Variants in HEMK2 observed in about 807,000 individuals in gnomAD.
HEMK2 encodes the protein methyltransferase HEMK2.
the HEMK2 span, among the ~76,000 whole-genome samples, chr21:28,631,673 G>T: frequency 5.9e-5 from 9 of 151,812 alleles, no homozygotes. Context: ...TCAAGTACAG[G>T]CTTTTTCTCA....
At chr21:28,626,272 T>C in the HEMK2 span, among the ~76,000 whole-genome samples, 1 of 152,342 alleles carries the variant, frequency 6.6e-6, no homozygotes, top group African/African-American at 2.4e-5. Flanking sequence ...ATAGTAAGTG[T>C]AAGTGTTAAC....
At chr21:28,606,143 T>C in the HEMK2 span, among the ~76,000 whole-genome samples, 1 of 152,154 alleles carries the variant, frequency 6.6e-6, no homozygotes, top group Non-Finnish European at 1.5e-5. Flanking sequence ...TTTTGAGTTG[T>C]AACAGTATAG....
the HEMK2 span, among the ~76,000 whole-genome samples, chr21:28,864,913 T>TATAGATAAGATAGATAGATAGATAG: frequency 8.4e-4 from 121 of 144,202 alleles, no homozygotes; most frequent in Non-Finnish European, 1.4e-3. Flanking sequence ...AGATAGATGA[T>TATAGATAAGATAGATAGATAGATAG]ATAGATAGAT....
chr21:28,679,219 A>C, the HEMK2 span, among the ~76,000 whole-genome samples: 2 of 152,220 alleles, frequency 1.3e-5, no homozygotes, highest in Non-Finnish European at 2.9e-5. Context: ...GCAAATGGAA[A>C]ACAAAAAAAG....
the HEMK2 span, among the ~76,000 whole-genome samples, chr21:28,714,040 T>G: frequency 6.6e-6 from 1 of 152,226 alleles, no homozygotes; most frequent in African/African-American, 2.4e-5. Context: ...CACCTTGTAC[T>G]GTACGCCAGA....
At chr21:28,879,823 C>T in the HEMK2 span, 40 of 1,392,068 alleles carry the variant, frequency 2.9e-5, no homozygotes, top group Non-Finnish European at 3.7e-5. Context: ...ATTTTACAAA[C>T]AAAATAATTG....
At chr21:28,692,087 G>A in the HEMK2 span, among the ~76,000 whole-genome samples, 4 of 152,134 alleles carry the variant, frequency 2.6e-5, no homozygotes, top group Non-Finnish European at 5.9e-5. Context: ...GCAGTTTAAA[G>A]GCCAAAATTA....
At chr21:28,864,737 A>T in the HEMK2 span, among the ~76,000 whole-genome samples, 1 of 151,960 alleles carries the variant, frequency 6.6e-6, no homozygotes, top group African/African-American at 2.4e-5. Context: ...ATTCCTGGGA[A>T]TGGCACTATT....
At chr21:28,835,253 C>T in the HEMK2 span, among the ~76,000 whole-genome samples, 2 of 152,108 alleles carry the variant, frequency 1.3e-5, no homozygotes, top group Non-Finnish European at 2.9e-5. Context: ...ACCCCACGCC[C>T]CCTCCACCAG....
the HEMK2 span, among the ~76,000 whole-genome samples, chr21:28,667,786 G>A: frequency 6.6e-6 from 1 of 152,186 alleles, no homozygotes; most frequent in African/African-American, 2.4e-5. Context: ...CCTCCTAGCT[G>A]TGGGATCTGA....
the HEMK2 span, among the ~76,000 whole-genome samples, chr21:28,843,286 G>A: frequency 8.5e-5 from 13 of 152,064 alleles, no homozygotes; most frequent in East Asian, 2.3e-3. Context: ...TGGCTGAGGA[G>A]GCCTGAGGAA....
At chr21:28,704,532 T>C in the HEMK2 span, among the ~76,000 whole-genome samples, 1 of 148,232 alleles carries the variant, frequency 6.7e-6, no homozygotes, top group Non-Finnish European at 1.5e-5. Context: ...TACCATGATA[T>C]TCAGCATGTT....
chr21:28,807,984 A>G, the HEMK2 span, among the ~76,000 whole-genome samples: 3,947 of 152,214 alleles, frequency 0.026, 178 homozygotes, highest in African/African-American at 0.09. Flanking sequence ...CTGGGATGCT[A>G]AGAAAAGTTT....
At chr21:28,779,868 G>A in the HEMK2 span, among the ~76,000 whole-genome samples, 1 of 147,578 alleles carries the variant, frequency 6.8e-6, no homozygotes, top group Admixed American at 6.7e-5. Context: ...TTTATTGTAA[G>A]AATTTTCTTG....
the HEMK2 span, among the ~76,000 whole-genome samples, chr21:28,699,576 T>C: frequency 7.9e-4 from 120 of 152,354 alleles, no homozygotes; most frequent in Non-Finnish European, 1.3e-3. Context: ...TAGGGTTTGA[T>C]AAAGGTAAAA....
the HEMK2 span, among the ~76,000 whole-genome samples, chr21:28,609,261 A>G: frequency 6.6e-6 from 1 of 152,128 alleles, no homozygotes; most frequent in African/African-American, 2.4e-5. Context: ...AGCTTGGAGC[A>G]CAGTAGCTCT....
the HEMK2 span, among the ~76,000 whole-genome samples, chr21:28,877,326 AAAAG>A: frequency 3.9e-5 from 5 of 129,252 alleles, no homozygotes; most frequent in African/African-American, 1.1e-4. Context: ...GAAAGAAAGA[AAAAG>A]AAAGAAGGAA....
At chr21:28,673,925 C>T in the HEMK2 span, among the ~76,000 whole-genome samples, 1 of 152,188 alleles carries the variant, frequency 6.6e-6, no homozygotes, top group Non-Finnish European at 1.5e-5. Context: ...GGCATTTGAA[C>T]CAGAGCAACT....
the HEMK2 span, among the ~76,000 whole-genome samples, chr21:28,684,613 T>C: frequency 3.9e-5 from 6 of 152,202 alleles, no homozygotes; most frequent in South Asian, 2.1e-4. Flanking sequence ...GGGATTTTCA[T>C]CATTTGGGAT....
Sources: allele counts gnomAD v4.1 joint callset (sites outside exome capture counted in the v4.1 genomes callset), GRCh38; gene constraint gnomAD v4.1.1; transcripts MANE v1.5; gene names NCBI Gene and HGNC (gene_info 2026-07-23, HGNC 2026-07-21).